Variants in CWC27 observed in about 807,000 individuals in gnomAD.
The protein encoded by CWC27 is spliceosome-associated protein CWC27 homolog.
In CWC27, 47 loss-of-function variants were observed where a neutral mutation model predicts 63.6. The ratio of observed to expected loss-of-function variants is 0.74; its 90% CI spans 0.58 to 0.94. The LOEUF is 0.94. CWC27 is among the 40% of genes least tolerant of loss of function. The probability of loss-of-function intolerance (pLI) is 0.00; values close to 1 mark genes in which losing one functional copy is unlikely to be tolerated. For synonymous variants in CWC27, 175 were observed against 179.8 expected (o/e 0.97, Z 0.22); for missense variants, 495 against 554.3 (o/e 0.89, Z 1.07).
chr5:64,935,913 T>C (rs1313363132), intron 11 of CWC27, among the ~76,000 whole-genome samples: 2 of 152,208 alleles, frequency 1.3e-5, no homozygotes, highest in African/African-American at 4.8e-5. Context: ...CTATTATTGA[T>C]GTATAGTAAT....
Position 64,828,115 on chromosome 5 carries a change from A to G in CWC27, c.938+23729A>G, listed in dbSNP as rs554706459. ...AAGGCAGGGGGACTATGTATTCTCT[A>G]ATAATTTTCAGAATTTTTCAGGTGA... is the stretch of plus-strand genomic sequence containing the variant. On this transcript the variant is annotated intron_variant, in intron 10 of 13. Transcript: ENST00000381070. Among the ~76,000 whole-genome samples, 104 of 152,036 alleles carry G rather than the reference A, an allele frequency of 6.8e-4. 2 individuals carry two copies. Among genetic ancestry groups the G allele is most frequent in the African/African-American group, 2.4e-3 (101 of 41,332 alleles).
intron 11 of CWC27, among the ~76,000 whole-genome samples, chr5:64,896,609 G>A (rs1206290274): frequency 6.6e-6 from 1 of 151,160 alleles, no homozygotes; most frequent in Non-Finnish European, 1.5e-5. Flanking sequence ...AAAATTTTTA[G>A]GGAAACTACT....
chr5:64,807,832 C>T (rs1388215857), intron 10 of CWC27: 1 of 1,531,164 alleles, frequency 6.5e-7, no homozygotes, highest in Admixed American at 2.0e-5. Context: ...ACCCGTATTT[C>T]TTTCTCTTCC....
intron 10 of CWC27, among the ~76,000 whole-genome samples, chr5:64,810,427 T>G (rs1412997749): frequency 2.0e-5 from 3 of 152,134 alleles, no homozygotes; most frequent in African/African-American, 4.8e-5. Context: ...TCTATTTCTG[T>G]GAAAAATGAC....
intron 11 of CWC27, among the ~76,000 whole-genome samples, chr5:64,970,508 G>A (rs1749105304): frequency 6.6e-6 from 1 of 152,134 alleles, no homozygotes; most frequent in South Asian, 2.1e-4. Context: ...CACCACGCCC[G>A]GCCGAAAGTA....
At chr5:64,891,773 T>TGTTGTC (rs1491506134) in intron 11 of CWC27, among the ~76,000 whole-genome samples, 1 of 130,358 alleles carries the variant, frequency 7.7e-6, no homozygotes, top group Non-Finnish European at 1.6e-5. Flanking sequence ...TGGGATACTT[T>TGTTGTC]GTTGTTGTTG....
chr5:65,005,264 A>G (rs1332121996), intron 13 of CWC27, among the ~76,000 whole-genome samples: 2 of 151,894 alleles, frequency 1.3e-5, no homozygotes, highest in African/African-American at 4.8e-5. Flanking sequence ...GGCAGTGGCT[A>G]TGGGTGGGGC....
At chr5:64,911,530 A>C (rs1470830765) in intron 11 of CWC27, among the ~76,000 whole-genome samples, 1 of 152,166 alleles carries the variant, frequency 6.6e-6, no homozygotes, top group Non-Finnish European at 1.5e-5. Context: ...AAAAGTGAAG[A>C]ATTTCAAGGC....
rs1003263298 is a variant in CWC27 at position 65,009,887 on chromosome 5, T to G, written c.1257-8272T>G. On this transcript the variant is annotated intron_variant, in intron 13 of 13. Transcript: ENST00000381070. ...AGTACAAAATAAGTTAAAATGATAATAAATGTTTGGATTGCACTTTGCCAT... is the reference window on the plus strand; with the variant it reads ...AGTACAAAATAAGTTAAAATGATAAGAAATGTTTGGATTGCACTTTGCCAT... 1.6e-4 allele frequency among the ~76,000 whole-genome samples: 24 copies of G among 152,208 alleles called. 1 individual carries two copies. Among genetic ancestry groups the G allele is most frequent in the Non-Finnish European group, 7.3e-5 (5 of 68,038 alleles).
At chr5:64,845,437 A>G (rs1302313888) in intron 10 of CWC27, among the ~76,000 whole-genome samples, 1 of 152,236 alleles carries the variant, frequency 6.6e-6, no homozygotes, top group Non-Finnish European at 1.5e-5. Context: ...ACTACTCATA[A>G]AGATGTTCAG....
At chr5:64,798,916 T>C (rs1432832262) in intron 7 of CWC27, among the ~76,000 whole-genome samples, 1 of 152,192 alleles carries the variant, frequency 6.6e-6, no homozygotes, top group Non-Finnish European at 1.5e-5. Flanking sequence ...AGTTGGGAGT[T>C]GGGGTGGTGA....
chr5:64,842,364 C>T (rs963339051), intron 10 of CWC27, among the ~76,000 whole-genome samples: 1 of 151,944 alleles, frequency 6.6e-6, no homozygotes, highest in South Asian at 2.1e-4. Flanking sequence ...AGTGCAGTGG[C>T]GTGGTCTCAG....
intron 10 of CWC27, among the ~76,000 whole-genome samples, chr5:64,858,093 G>A (rs1481434558): frequency 8.5e-6 from 1 of 118,136 alleles, no homozygotes; most frequent in Non-Finnish European, 1.6e-5. Flanking sequence ...AGCCGAGATC[G>A]CGCCACTGCA....
chr5:65,012,644 C>T (rs1749982639), intron 13 of CWC27, among the ~76,000 whole-genome samples: 1 of 152,132 alleles, frequency 6.6e-6, no homozygotes, highest in Non-Finnish European at 1.5e-5. Context: ...TAGCTCATTG[C>T]CTTTTCCTCA....
intron 10 of CWC27, among the ~76,000 whole-genome samples, chr5:64,821,029 A>G (rs1016616843): frequency 6.6e-6 from 1 of 151,996 alleles, no homozygotes. Context: ...CTGATAAAAG[A>G]CTTGTATCCA....
At chr5:64,918,695 C>G (rs1312247838) in intron 11 of CWC27, among the ~76,000 whole-genome samples, 2 of 152,128 alleles carry the variant, frequency 1.3e-5, no homozygotes. Context: ...CTGTTTTTCT[C>G]AGTTTTAACA....
rs1743154969 is a variant in CWC27, at chr5:64,769,315, C to G, written c.42+127C>G. ...GACCACGAGAAGTGTTGTCTTTACT[C>G]CTGCATGTGGACAATGTTGCATCGA... is the stretch of plus-strand genomic sequence containing the variant. On this transcript the variant is annotated intron_variant, in intron 1 of 13. Coordinates refer to ENST00000381070, the MANE Select transcript of CWC27 (RefSeq NM_005869.4). 3.8e-6 allele frequency: 3 copies of G among 785,130 alleles called. No individual in the cohort carries two copies. In the Admixed American group the frequency reaches 6.0e-5, roughly 16 times the overall value. The allele number at this position is 785,130 out of a possible 1,614,324, so 48.6% of individuals were successfully genotyped here. A position where few individuals can be genotyped will look rare whatever the true frequency, so the allele number is the denominator to read the frequency against.
intron 13 of CWC27, among the ~76,000 whole-genome samples, chr5:65,002,629 T>C (rs1321207323): frequency 6.6e-6 from 1 of 152,232 alleles, no homozygotes; most frequent in African/African-American, 2.4e-5. Context: ...TCTAGTTTTA[T>C]TCCATTATGG....
intron 11 of CWC27, among the ~76,000 whole-genome samples, chr5:64,938,010 G>T (rs1186331586): frequency 6.7e-6 from 1 of 148,582 alleles, no homozygotes; most frequent in Non-Finnish European, 1.5e-5. Context: ...TTGCACATGA[G>T]ATGGGTCTCC....
Sources: allele counts gnomAD v4.1 joint callset (sites outside exome capture counted in the v4.1 genomes callset), GRCh38; gene constraint gnomAD v4.1.1; transcripts MANE v1.5; gene names NCBI Gene and HGNC (gene_info 2026-07-23, HGNC 2026-07-21).